HS6ST3: variants seen among roughly 807,000 people sequenced by gnomAD.
HS6ST3 encodes heparan sulfate 6-O-sulfotransferase 3.
A neutral mutation model predicts 36.7 loss-of-function variants in HS6ST3; 12 were observed. That is an observed-to-expected ratio of 0.33 (90% CI 0.21 to 0.53). The LOEUF (loss-of-function observed/expected upper bound fraction) is 0.53. Ranked by LOEUF, HS6ST3 falls within the 20% of genes least tolerant of loss-of-function variation. The pLI is 0.95. For missense variants in HS6ST3, 584 were observed against 640.9 expected, an observed-to-expected ratio of 0.91 and a Z score of 0.96; for synonymous variants, 240 against 257.5, an observed-to-expected ratio of 0.93 and a Z score of 0.65.
intron 1 of HS6ST3, among the ~76,000 whole-genome samples, chr13:96,112,766 C>CAACAGACA (rs1555386246): frequency 2.7e-5 from 4 of 145,716 alleles, no homozygotes; most frequent in Non-Finnish European, 6.0e-5. Flanking sequence ...GACTCTGTTT[C>CAACAGACA]AACAAACAAA....
chr13:96,816,215 A>G (rs960055151), intron 1 of HS6ST3, among the ~76,000 whole-genome samples: 1 of 152,226 alleles, frequency 6.6e-6, no homozygotes, highest in Non-Finnish European at 1.5e-5. Flanking sequence ...CCTGAAAACA[A>G]CAAAACAGGG....
intron 1 of HS6ST3, among the ~76,000 whole-genome samples, chr13:96,629,080 T>A (rs1477616096): frequency 2.0e-5 from 3 of 152,208 alleles, no homozygotes; most frequent in African/African-American, 7.2e-5. Flanking sequence ...TGAAGTTTAT[T>A]CTCTATGCTT....
chr13:96,245,742 A>C (rs1005192761), intron 1 of HS6ST3, among the ~76,000 whole-genome samples: 1 of 152,186 alleles, frequency 6.6e-6, no homozygotes. Context: ...ACAGGCTAAG[A>C]GGCAGCATAT....
At chr13:96,789,457 A>C (rs115285915) in intron 1 of HS6ST3, among the ~76,000 whole-genome samples, 1 of 151,878 alleles carries the variant, frequency 6.6e-6, no homozygotes, top group Admixed American at 6.6e-5. Flanking sequence ...TATTTAAAGA[A>C]TAACATGAGA....
chr13:96,765,576 C>T lies in HS6ST3; in HGVS notation c.708-66914C>T, dbSNP rs1029658696. ...AAGTTTCTGTGAACAGAGATGTATG[C>T]GCTCTCTCTCTTTCTCTCTCTCTCT... On this transcript the variant is annotated intron_variant, in intron 1 of 1. Coordinates refer to ENST00000376705, the MANE Select transcript of HS6ST3 (RefSeq NM_153456.4). Among the ~76,000 whole-genome samples the T allele has an allele frequency of 8.4e-5, 12 of 142,722 alleles. 2 individuals are homozygous for T. Among genetic ancestry groups the T allele is most frequent in the African/African-American group, 3.2e-4 (12 of 37,298 alleles). The allele number at this position is 142,722 out of a possible 152,430, so 93.6% of individuals were successfully genotyped here. A position where few individuals can be genotyped will look rare whatever the true frequency, so the allele number is the denominator to read the frequency against.
chr13:96,117,279 C>T (rs902081487), intron 1 of HS6ST3, among the ~76,000 whole-genome samples: 7 of 152,068 alleles, frequency 4.6e-5, no homozygotes, highest in Admixed American at 3.3e-4. Context: ...AAAACACTAA[C>T]AAGATTAACA....
rs1011773284 is a variant in HS6ST3, at chr13:96,448,945, G to C, written c.707+357376G>C. On this transcript the variant is annotated intron_variant, in intron 1 of 1. Transcript: ENST00000376705. Reference sequence around the variant, plus strand: ...TTTATTTTCATTTTGTCTCACCTTTGGCATAAGTTGGTATAATCTAGAAGT... The same window carrying C: ...TTTATTTTCATTTTGTCTCACCTTTCGCATAAGTTGGTATAATCTAGAAGT... Among the ~76,000 whole-genome samples, 10 of 151,986 alleles carry C rather than the reference G, an allele frequency of 6.6e-5. No homozygotes were observed. The Middle Eastern group carries it at 0.01, about 155-fold the overall frequency.
chr13:96,483,052 G>C (rs534853119), intron 1 of HS6ST3, among the ~76,000 whole-genome samples: 1 of 152,286 alleles, frequency 6.6e-6, no homozygotes, highest in Admixed American at 6.5e-5. Context: ...TGCAAAAGCA[G>C]ATATAGTCAC....
intron 1 of HS6ST3, among the ~76,000 whole-genome samples, chr13:96,360,948 A>C (rs1432825845): frequency 2.4e-4 from 36 of 151,036 alleles, no homozygotes; most frequent in Admixed American, 4.0e-4. Flanking sequence ...CCTGTCCCAA[A>C]AAAAAAAAAA....
chr13:96,290,571 T>C (rs547682997), intron 1 of HS6ST3, among the ~76,000 whole-genome samples: 2 of 152,162 alleles, frequency 1.3e-5, no homozygotes, highest in South Asian at 2.1e-4. Context: ...CTGCCACTGC[T>C]CTGGTCAAAG....
At chr13:96,371,632 C>T (rs2055290732) in intron 1 of HS6ST3, among the ~76,000 whole-genome samples, 1 of 152,164 alleles carries the variant, frequency 6.6e-6, no homozygotes, top group African/African-American at 2.4e-5. Flanking sequence ...CCCCCACTCC[C>T]AGACCCTGGA....
At chr13:96,467,034 A>T (rs927704505) in intron 1 of HS6ST3, among the ~76,000 whole-genome samples, 3 of 152,190 alleles carry the variant, frequency 2.0e-5, no homozygotes, top group Admixed American at 1.3e-4. Flanking sequence ...CTTTGTTTCA[A>T]TCATTTCATC....
At chr13:96,525,706 T>C (rs1471843779) in intron 1 of HS6ST3, among the ~76,000 whole-genome samples, 1 of 152,248 alleles carries the variant, frequency 6.6e-6, no homozygotes, top group Non-Finnish European at 1.5e-5. Flanking sequence ...GGTCTCATTA[T>C]CAAGTTTCTT....
At chr13:96,786,029 A>G (rs980944473) in intron 1 of HS6ST3, among the ~76,000 whole-genome samples, 19 of 152,136 alleles carry the variant, frequency 1.2e-4, no homozygotes, top group Admixed American at 1.2e-3. Flanking sequence ...ACTTTGTGCC[A>G]TAACCTAGGG....
At chr13:96,553,104 A>C (rs2056225728) in intron 1 of HS6ST3, among the ~76,000 whole-genome samples, 1 of 152,120 alleles carries the variant, frequency 6.6e-6, no homozygotes, top group Non-Finnish European at 1.5e-5. Context: ...TACCTTGTGA[A>C]ACTCGGTGTT....
intron 1 of HS6ST3, among the ~76,000 whole-genome samples, chr13:96,707,342 C>T (rs1875454631): frequency 6.6e-6 from 1 of 152,068 alleles, no homozygotes; most frequent in Non-Finnish European, 1.5e-5. Flanking sequence ...ATGCTGGCAC[C>T]CTGATCTCAG....
chr13:96,416,213 T>A (rs894795603), intron 1 of HS6ST3, among the ~76,000 whole-genome samples: 1 of 152,224 alleles, frequency 6.6e-6, no homozygotes, highest in African/African-American at 2.4e-5. Flanking sequence ...CTTTTTTAGT[T>A]AGTGGCAAAA....
chr13:96,290,859 G>A (rs1341285753), intron 1 of HS6ST3, among the ~76,000 whole-genome samples: 2 of 152,070 alleles, frequency 1.3e-5, no homozygotes, highest in East Asian at 3.9e-4. Flanking sequence ...ACCACCATGT[G>A]CCTCCTACCT....
At chr13:96,370,134 G>A (rs2055282529) in intron 1 of HS6ST3, among the ~76,000 whole-genome samples, 1 of 152,096 alleles carries the variant, frequency 6.6e-6, no homozygotes, top group Non-Finnish European at 1.5e-5. Context: ...ACCCATGACT[G>A]GTTGCCAGTC....
Sources: gnomAD v4.1 joint callset for allele counts (sites outside exome capture counted in the v4.1 genomes callset) on GRCh38, gnomAD v4.1.1 for gene constraint, MANE v1.5 for transcripts, NCBI Gene and HGNC (gene_info 2026-07-23, HGNC 2026-07-21) for gene names.